The following YTHDC2 variants were observed in gnomAD, a reference collection of about 807,000 sequenced individuals.
YTHDC2 encodes the protein YTH N6-methyladenosine RNA binding protein C2.
A neutral mutation model predicts 174.9 loss-of-function variants in YTHDC2; 45 were observed. The ratio of observed to expected loss-of-function variants is 0.26; its 90% CI spans 0.20 to 0.33. The LOEUF (loss-of-function observed/expected upper bound fraction) is 0.33. YTHDC2 is among the 10% of genes least tolerant of loss of function. The pLI, the probability that YTHDC2 is intolerant of heterozygous loss-of-function variation, is 1.00. For missense variants in YTHDC2, 1,650 were observed against 1,723.7 expected (o/e 0.96, Z 0.76); for synonymous variants, 657 against 574.5 (o/e 1.14, Z -2.05).
At position 113,564,038 on chromosome 5, in the gene YTHDC2, T is replaced by C; in HGVS notation, c.2622T>C (p.Thr874=). 1 of 1,614,116 alleles carries C rather than the reference T, an allele frequency of 6.2e-7. No homozygotes were observed. The highest frequency in any genetic ancestry group is 8.5e-7 in the Non-Finnish European group (1 of 1,180,008). ...LAYRDPFVLP[T]QASQKRAAML... is the part of the protein sequence containing the mutation. Reference sequence around the variant, plus strand: ...ATCGAGATCCTTTTGTACTACCTACTCAGGCCTCTCAAAAACGTGCAGCTA... The same window carrying C: ...ATCGAGATCCTTTTGTACTACCTACCCAGGCCTCTCAAAAACGTGCAGCTA... The change falls in exon 20 of 30, where the codon ACT becomes ACC. Residue 874 remains threonine (T), a synonymous_variant. Coordinates refer to ENST00000161863, the MANE Select transcript of YTHDC2 (RefSeq NM_022828.5).
intron 23 of YTHDC2, among the ~76,000 whole-genome samples, chr5:113,575,420 C>A (rs947696991): frequency 3.3e-5 from 5 of 152,180 alleles, no homozygotes; most frequent in African/African-American, 1.2e-4. Context: ...TAAGGAAATA[C>A]AAAGAGGATC....
chr5:113,541,821 A>T (rs1382017047), intron 9 of YTHDC2, among the ~76,000 whole-genome samples: 1 of 152,054 alleles, frequency 6.6e-6, no homozygotes, highest in East Asian at 1.9e-4. Flanking sequence ...TGTTTATAGG[A>T]TTATAACACA....
intron 9 of YTHDC2, among the ~76,000 whole-genome samples, chr5:113,542,055 G>A (rs1172023716): frequency 6.6e-6 from 1 of 152,144 alleles, no homozygotes; most frequent in Non-Finnish European, 1.5e-5. Context: ...TTCCCTTGAT[G>A]TGCAGTTGGG....
At chr5:113,514,104 A>C (rs1862315) in intron 1 of YTHDC2, 22 bp downstream of exon 1, 368,516 of 1,603,372 alleles carry the variant, frequency 0.23, 49,139 homozygotes, top group African/African-American at 0.54. Flanking sequence ...GACAGGGACC[A>C]TGCTGGCAGT....
chr5:113,560,823 C>G (rs1374095238), intron 17 of YTHDC2, among the ~76,000 whole-genome samples: 1 of 152,116 alleles, frequency 6.6e-6, no homozygotes, highest in Admixed American at 6.5e-5. Context: ...TATGCTATTT[C>G]TTTTGATTTT....
rs1403200863 is a variant in YTHDC2 at position 113,514,052 on chromosome 5, C to G, written c.157C>G (p.Leu53Val). 6.2e-7 allele frequency: 1 copy of G among 1,612,190 alleles called. No homozygotes were observed. Among genetic ancestry groups the G allele is most frequent in the Non-Finnish European group, 8.5e-7 (1 of 1,179,332 alleles). ...GGTGAAGATCGCAGTCAATATCGCG[C>G]TGGAGCGCTTCCGATACGGGGACCA... Reference protein sequence around the residue: ...EEVKIAVNIALERFRYGDQRE... With the variant: ...EEVKIAVNIAVERFRYGDQRE... The change falls in exon 1 of 30, where the codon CTG becomes GTG. Residue 53 changes from leucine to valine, a missense_variant. Physicochemically the swap from Leu to Val is conservative, Grantham distance 32 (BLOSUM62 1). Around this residue, in one of 5 missense-constraint regions of YTHDC2, gnomAD observed 304 missense variants for 341.4 expected, o/e 0.89. Coordinates refer to ENST00000161863, the MANE Select transcript of YTHDC2 (RefSeq NM_022828.5).
chr5:113,570,074 G>T (rs189184178), intron 23 of YTHDC2, among the ~76,000 whole-genome samples: 214 of 151,790 alleles, frequency 1.4e-3, no homozygotes, highest in Non-Finnish European at 2.4e-3. Context: ...TGTATTCCTA[G>T]GTATTTTATT....
At position 113,513,839 on chromosome 5, in the gene YTHDC2, G is replaced by A; in HGVS notation, c.-57G>A. ...CCGGATTCCCACGGTCTTTGTCATT[G>A]GCTGTCAGCTAGCAGGCCTGGCCGC... On this transcript the variant is annotated 5_prime_UTR_variant, in exon 1 of 30. Transcript: ENST00000161863. 1.3e-6 allele frequency: 2 copies of A among 1,513,090 alleles called. No homozygotes were observed. Among genetic ancestry groups the A allele is most frequent in the Non-Finnish European group, 1.8e-6 (2 of 1,134,022 alleles). 93.7% of individuals were successfully genotyped at this position (1,513,090 alleles called of 1,614,324 possible). A position where few individuals can be genotyped will look rare whatever the true frequency, so the allele number is the denominator to read the frequency against.
rs1277805843 is a variant in YTHDC2, at chr5:113,548,757, A to T, written c.1622+90A>T. The T allele has an allele frequency of 5.1e-6, 7 of 1,367,328 alleles. No homozygotes were observed. The East Asian group carries it at 1.8e-4, about 35-fold the overall frequency. The allele number at this position is 1,367,328 out of a possible 1,614,324, so 84.7% of individuals were successfully genotyped here. A position where few individuals can be genotyped will look rare whatever the true frequency, so the allele number is the denominator to read the frequency against. On this transcript the variant is annotated intron_variant, in intron 11 of 29. Coordinates refer to ENST00000161863, the MANE Select transcript of YTHDC2 (RefSeq NM_022828.5). ...TCTTATGTTTGTCTTTATATTAAAA[A>T]CTATTGTGTAATAATTGCTGGTGAA...
chr5:113,586,961 T>C (rs1778721542), intron 26 of YTHDC2, among the ~76,000 whole-genome samples: 1 of 65,258 alleles, frequency 1.5e-5, no homozygotes, highest in Non-Finnish European at 2.6e-5. Context: ...AATATATAAA[T>C]ATATATTATG....
chr5:113,588,355 T>G (rs546015727), intron 26 of YTHDC2, among the ~76,000 whole-genome samples: 2 of 152,036 alleles, frequency 1.3e-5, no homozygotes, highest in Non-Finnish European at 2.9e-5. Flanking sequence ...CCCCACTTGG[T>G]CATGGTGTTA....
intron 26 of YTHDC2, among the ~76,000 whole-genome samples, chr5:113,589,395 T>TAAAAA (rs1156968093): frequency 7.9e-5 from 9 of 114,458 alleles, no homozygotes; most frequent in African/African-American, 2.9e-4. Flanking sequence ...TTTTAAAAAT[T>TAAAAA]AAAAAAAAAA....
intron 12 of YTHDC2, among the ~76,000 whole-genome samples, chr5:113,550,324 A>G (rs1024441340): frequency 2.4e-4 from 37 of 152,240 alleles, no homozygotes; most frequent in Admixed American, 1.4e-3. Flanking sequence ...AAGCTTTATG[A>G]ATCTGTTAGA....
At position 113,565,883 on chromosome 5, in the gene YTHDC2, C is replaced by T; in HGVS notation, c.2716-10C>T. 1 of 1,609,080 alleles carries T rather than the reference C, an allele frequency of 6.2e-7. No homozygotes were observed. The highest frequency in any genetic ancestry group is 8.5e-7 in the Non-Finnish European group (1 of 1,178,280). On this transcript the variant is annotated splice_polypyrimidine_tract_variant and intron_variant, in intron 20 of 29. Coordinates refer to ENST00000161863, the MANE Select transcript of YTHDC2 (RefSeq NM_022828.5). ...ATGTGTCTTGTTATGCAATTATTCT[C>T]TTTTTATAGGCCTGGCAAAAAGCAC...
rs1462089584 is a variant in YTHDC2, at chr5:113,533,003, G to A, written c.800G>A (p.Arg267Lys). 1 of 1,614,140 alleles carries A rather than the reference G, an allele frequency of 6.2e-7. No homozygotes were observed. Among genetic ancestry groups the A allele is most frequent in the Non-Finnish European group, 8.5e-7 (1 of 1,180,018 alleles). The change falls in exon 5 of 30, where the codon AGG (arginine) becomes AAG (lysine). Residue 267 changes from arginine (R) to lysine (K), a missense_variant. Arg to Lys is a conservative substitution (Grantham distance 26). Transcript: ENST00000161863. ...AERVAAERRERIGQTIGYQIR... is the reference protein window; with the variant it reads ...AERVAAERREKIGQTIGYQIR... Reference sequence around the variant, plus strand: ...AGAGTTGCCGCAGAGAGACGGGAAAGGATTGGTCAAACAATTGGTTATCAG... The same window carrying A: ...AGAGTTGCCGCAGAGAGACGGGAAAAGATTGGTCAAACAATTGGTTATCAG...
At chr5:113,582,920 A>AG (rs1386471602) in intron 25 of YTHDC2, 7 of 152,172 alleles carry the variant, frequency 4.6e-5, no homozygotes, top group Admixed American at 4.6e-4. Flanking sequence ...GCTGAGAAAA[A>AG]GGGGAAGACT....
intron 4 of YTHDC2, among the ~76,000 whole-genome samples, chr5:113,531,723 G>A (rs554778259): frequency 3.8e-4 from 57 of 151,632 alleles, no homozygotes; most frequent in Admixed American, 1.2e-3. Flanking sequence ...CTAGGGGCCA[G>A]CACATGTATG....
At chr5:113,555,873 G>A (rs866733502) in intron 16 of YTHDC2, among the ~76,000 whole-genome samples, 179 bp from the exon 17 acceptor site, 5 of 152,080 alleles carry the variant, frequency 3.3e-5, no homozygotes, top group Non-Finnish European at 7.4e-5. Context: ...TTTTTTCTTA[G>A]TATGTTTGTA....
chr5:113,592,536 A>G (rs1779065641), intron 28 of YTHDC2: 1 of 159,998 alleles, frequency 6.3e-6, no homozygotes, highest in East Asian at 1.8e-4. Flanking sequence ...AAATTAATGT[A>G]TATTGACCAA....
Sources: gnomAD v4.1 joint callset for allele counts (sites outside exome capture counted in the v4.1 genomes callset) on GRCh38, gnomAD v4.1.1 for gene constraint, gnomAD v4.1.1 regional missense constraint, MANE v1.5 for transcripts, NCBI Gene and HGNC (gene_info 2026-07-23, HGNC 2026-07-21) for gene names.